Variants in ABHD3 observed in about 807,000 individuals in gnomAD.
ABHD3 encodes abhydrolase domain containing 3, phospholipase.
ABHD3 carries 46 observed loss-of-function variants against 48.8 expected under a neutral mutation model. The ratio of observed to expected loss-of-function variants is 0.94; its 90% CI spans 0.74 to 1.20. The LOEUF is 1.20. Ranked by LOEUF, ABHD3 falls within the 50% of genes most tolerant of loss-of-function variation. The probability of loss-of-function intolerance (pLI) is 0.00; values close to 1 mark genes in which losing one functional copy is unlikely to be tolerated. For synonymous variants in ABHD3, 192 were observed against 183.7 expected (o/e 1.04, Z -0.36); for missense variants, 490 against 497.8 (o/e 0.98, Z 0.15).
chr18:21,674,389 G>A (rs747130123), intron 4 of ABHD3, among the ~76,000 whole-genome samples: 30 of 151,732 alleles, frequency 2.0e-4, no homozygotes, highest in East Asian at 3.9e-4. Flanking sequence ...CTACAGGCAC[G>A]TGCCACCATG....
At chr18:21,685,912 G>A (rs1598548317) in intron 3 of ABHD3, among the ~76,000 whole-genome samples, 2 of 152,298 alleles carry the variant, frequency 1.3e-5, no homozygotes, top group Middle Eastern at 3.4e-3. Flanking sequence ...TAGTCAGATC[G>A]TTCTAAAACT....
Position 21,664,124 on chromosome 18 carries a change from A to G in ABHD3, c.662T>C (p.Met221Thr), listed in dbSNP as rs1386187047. 10 of 1,608,644 alleles carry G rather than the reference A, an allele frequency of 6.2e-6. No homozygotes were observed. Among genetic ancestry groups the G allele is most frequent in the Non-Finnish European group, 7.6e-6 (9 of 1,178,978 alleles). Residue 221 changes from methionine to threonine, a missense_variant, in exon 5 of 9, where the codon ATG becomes ACG. By Grantham distance (81) the Met-to-Thr change is moderately conservative (BLOSUM62 -1). Coordinates refer to ENST00000289119, the MANE Select transcript of ABHD3 (RefSeq NM_138340.5). ...TAGAAAGGGAAAACCTTACCCTCCC[A>G]TTGAAACCCCTGCTGCCAGGAAAGG... ...SAPFLAAGVS[M>T]GGMLLLNYLG...
At chr18:21,693,546 A>C (rs1201511387) in intron 3 of ABHD3, among the ~76,000 whole-genome samples, 2 of 152,236 alleles carry the variant, frequency 1.3e-5, no homozygotes, top group Admixed American at 1.3e-4. Flanking sequence ...TCTGATAAAA[A>C]GAGCTTTGTC....
At chr18:21,659,585 C>T (rs2039436646) in intron 5 of ABHD3, among the ~76,000 whole-genome samples, 1 of 152,020 alleles carries the variant, frequency 6.6e-6, no homozygotes. Flanking sequence ...TATATGTATC[C>T]TATGAAGTCA....
At position 21,656,745 on chromosome 18, in the gene ABHD3, C is replaced by T. The variant is rs575071904; in HGVS notation, c.1057+116G>A. On this transcript the variant is annotated intron_variant, in intron 8 of 8. Transcript: ENST00000289119. ...CATTTAGATACTGTGTTATGAGTAT[C>T]TAGTTTTTTTATCATAATGGAAATG... 2.6e-5 allele frequency: 26 copies of T among 996,796 alleles called. No individual in the cohort carries two copies. The South Asian group carries it at 3.4e-4, about 13-fold the overall frequency. 61.7% of individuals were successfully genotyped at this position (996,796 alleles called of 1,614,324 possible).
At chr18:21,668,708 A>G (rs2039692419) in intron 4 of ABHD3, among the ~76,000 whole-genome samples, 1 of 152,182 alleles carries the variant, frequency 6.6e-6, no homozygotes, top group South Asian at 2.1e-4. Flanking sequence ...ATTATCTGGT[A>G]CCCTCAGATA....
At chr18:21,676,974 T>C (rs772851101) in intron 4 of ABHD3, among the ~76,000 whole-genome samples, 3 of 152,174 alleles carry the variant, frequency 2.0e-5, no homozygotes, top group Non-Finnish European at 4.4e-5. Context: ...TTCAGTGTTG[T>C]GCCATCATAA....
chr18:21,651,599 G>C lies in ABHD3; in HGVS notation c.1222C>G (p.Leu408Val), dbSNP rs1448147130. 6 of 1,613,982 alleles carry C rather than the reference G, an allele frequency of 3.7e-6. No homozygotes were observed. In the African/African-American group the frequency reaches 5.3e-5, roughly 14 times the overall value. ...ACCCAAAGAACTACATGTTAAGAGA[G>C]TTCATGTCCATGCTCAACCATGGCT... ...VQAMVEHGHE[L>V]S is the part of the protein sequence containing the mutation. The change falls in exon 9 of 9, where the codon CTC becomes GTC. Residue 408 changes from leucine to valine, a missense_variant. Physicochemically the swap from Leu to Val is conservative, Grantham distance 32. Transcript: ENST00000289119.
intron 5 of ABHD3, among the ~76,000 whole-genome samples, chr18:21,660,946 T>G (rs936232361): frequency 5.3e-5 from 8 of 151,792 alleles, no homozygotes; most frequent in African/African-American, 1.7e-4. Context: ...AACTCAGGAC[T>G]AGGAAGATTC....
At chr18:21,682,014 C>G (rs1401570896) in intron 4 of ABHD3, 1 of 152,220 alleles carries the variant, frequency 6.6e-6, no homozygotes, top group East Asian at 1.9e-4. Context: ...GCACACACCT[C>G]TGGTTCCACC....
intron 4 of ABHD3, among the ~76,000 whole-genome samples, chr18:21,683,204 G>C (rs1012752277): frequency 3.9e-5 from 6 of 152,080 alleles, no homozygotes; most frequent in African/African-American, 1.4e-4. Flanking sequence ...AAGTTAAAAA[G>C]CTGAAGAAAA....
At chr18:21,680,901 C>CAT (rs938128858) in intron 4 of ABHD3, among the ~76,000 whole-genome samples, 2 of 149,440 alleles carry the variant, frequency 1.3e-5, no homozygotes, top group Non-Finnish European at 3.0e-5. Flanking sequence ...TACACACACA[C>CAT]ATATATATTT....
intron 4 of ABHD3, 43 bp downstream of exon 4, chr18:21,683,877 A>G (rs573956665): frequency 4.0e-6 from 6 of 1,514,506 alleles, no homozygotes; most frequent in Non-Finnish European, 4.5e-6. Flanking sequence ...ACTAGAAATG[A>G]TTCTTTAAAA....
Position 21,683,183 on chromosome 18 carries a change from G to C in ABHD3, c.555+737C>G, listed in dbSNP as rs562956707. Among the ~76,000 whole-genome samples the C allele has an allele frequency of 3.3e-5, 5 of 152,208 alleles. No homozygotes were observed. The South Asian group carries it at 1.0e-3, about 32-fold the overall frequency. On this transcript the variant is annotated intron_variant, in intron 4 of 8. Coordinates refer to ENST00000289119, the MANE Select transcript of ABHD3 (RefSeq NM_138340.5). ...CTAGTAGAATTGCCTTTGACCTGTT[G>C]AGATTGTAAAAAGTTAAAAAGCTGA...
chr18:21,683,796 G>A, intron 4 of ABHD3, 124 bp downstream of exon 4: 1 of 942,214 alleles, frequency 1.1e-6, no homozygotes, highest in South Asian at 2.8e-5. Flanking sequence ...CTGTATTTTT[G>A]TATAATAAAT....
At chr18:21,652,706 C>T (rs964016361) in intron 8 of ABHD3, among the ~76,000 whole-genome samples, 5 of 145,356 alleles carry the variant, frequency 3.4e-5, no homozygotes, top group Admixed American at 6.9e-5. Flanking sequence ...ACCCGGGAGG[C>T]GGAGATTGCA....
At chr18:21,702,541 A>C in intron 2 of ABHD3, 43 bp from the exon 3 acceptor site, 1 of 1,409,900 alleles carries the variant, frequency 7.1e-7, no homozygotes, top group Non-Finnish European at 9.3e-7. Flanking sequence ...TACATGTTTT[A>C]AGTCATGTCT....
intron 4 of ABHD3, among the ~76,000 whole-genome samples, chr18:21,676,471 A>G (rs1433916204): frequency 6.6e-6 from 1 of 152,122 alleles, no homozygotes; most frequent in Non-Finnish European, 1.5e-5. Flanking sequence ...GCTCACTGCA[A>G]CCTCTGCCTC....
intron 8 of ABHD3, among the ~76,000 whole-genome samples, chr18:21,656,645 G>T (rs1216664465): frequency 6.6e-6 from 1 of 152,188 alleles, no homozygotes; most frequent in African/African-American, 2.4e-5. Flanking sequence ...GAGCAAAACA[G>T]TGAGTCATAA....
Sources: gnomAD v4.1 joint callset for allele counts (sites outside exome capture counted in the v4.1 genomes callset) on GRCh38, gnomAD v4.1.1 for gene constraint, MANE v1.5 for transcripts, NCBI Gene and HGNC (gene_info 2026-07-23, HGNC 2026-07-21) for gene names.